HPN: variants seen among roughly 807,000 people sequenced by gnomAD.
HPN encodes serine protease hepsin.
Under a neutral mutation model 55.9 loss-of-function variants are expected in HPN, and 13 were observed. That is an observed-to-expected ratio of 0.23 (90% CI 0.15 to 0.37). The LOEUF is 0.37. Among genes scored for constraint, HPN ranks in the 10% least tolerant of loss-of-function variants. The probability of loss-of-function intolerance (pLI) is 1.00; values close to 1 mark genes in which losing one functional copy is unlikely to be tolerated. For synonymous variants in HPN, 225 were observed against 240.3 expected (o/e 0.94, Z 0.59); for missense variants, 451 against 575.8 (o/e 0.78, Z 2.22).
At chr19:35,048,687 A>G (rs1307060760) in intron 2 of HPN, among the ~76,000 whole-genome samples, 1 of 152,060 alleles carries the variant, frequency 6.6e-6, no homozygotes, top group Non-Finnish European at 1.5e-5. Context: ...TCAGCCCAGG[A>G]GTTTGAGACC....
intron 2 of HPN, among the ~76,000 whole-genome samples, chr19:35,046,986 G>A (rs1196745640): frequency 3.9e-5 from 6 of 152,030 alleles, no homozygotes; most frequent in African/African-American, 1.4e-4. Flanking sequence ...CTGCCACTGC[G>A]CCCGGCTAAT....
chr19:35,064,815 CTTTT>C (rs375780311), intron 9 of HPN, among the ~76,000 whole-genome samples: 73 of 88,378 alleles, frequency 8.3e-4, no homozygotes, highest in Middle Eastern at 6.4e-3. Flanking sequence ...TCCGTTGTGG[CTTTT>C]TTGTTTGTTT....
At chr19:35,059,627 G>T (rs1176306058) in intron 4 of HPN, 46 bp from the exon 5 acceptor site, 1 of 1,559,736 alleles carries the variant, frequency 6.4e-7, no homozygotes, top group East Asian at 2.4e-5. Flanking sequence ...CATGTGGGGA[G>T]CCTGGCTGTG....
intron 4 of HPN, among the ~76,000 whole-genome samples, chr19:35,054,674 G>A (rs117986510): frequency 0.022 from 3,293 of 152,240 alleles, 68 homozygotes; most frequent in South Asian, 0.051. Context: ...CCTGCTTCTC[G>A]TGCATTTGGT....
chr19:35,046,467 G>A (rs1468897367), intron 2 of HPN, among the ~76,000 whole-genome samples: 1 of 151,974 alleles, frequency 6.6e-6, no homozygotes, highest in African/African-American at 2.4e-5. Context: ...CTGGTCTTGA[G>A]CTCCTGACCT....
In HPN at chr19:35,065,302, C is replaced by T. The variant is rs563960365; in HGVS notation, c.864C>T (p.Gly288=). ...LPAAGQALVD[G]KICTVTGWGN... is the part of the protein sequence containing the mutation. Reference sequence around the variant, plus strand: ...CTGCCGGCCAGGCCCTGGTGGATGGCAAGATCTGTACCGTGACGGGCTGGG... The same window carrying T: ...CTGCCGGCCAGGCCCTGGTGGATGGTAAGATCTGTACCGTGACGGGCTGGG... The change falls in exon 10 of 13, where the codon GGC becomes GGT. Residue 288 remains glycine, a synonymous_variant. Coordinates refer to ENST00000672452, the MANE Select transcript of HPN (RefSeq NM_001384133.1). 21 of 1,614,014 alleles carry T rather than the reference C, an allele frequency of 1.3e-5. No individual in the cohort carries two copies. The African/African-American group carries it at 2.0e-4, about 15-fold the overall frequency.
At chr19:35,042,947 C>A (rs891137829) in intron 2 of HPN, among the ~76,000 whole-genome samples, 6 of 152,162 alleles carry the variant, frequency 3.9e-5, no homozygotes, top group African/African-American at 1.2e-4. Context: ...ATTCTTAGGG[C>A]TTTGGTCTCC....
intron 9 of HPN, 47 bp from the exon 10 acceptor site, chr19:35,065,203 G>A (rs755983391): frequency 7.2e-7 from 1 of 1,394,184 alleles, no homozygotes; most frequent in South Asian, 1.2e-5. Flanking sequence ...GTTTGTACCA[G>A]GTGGGGCAGG....
chr19:35,059,443 C>G (rs745761227), intron 4 of HPN: 1 of 671,468 alleles, frequency 1.5e-6, no homozygotes, highest in Non-Finnish European at 2.7e-6. Flanking sequence ...GATCACACCA[C>G]TACACTCCAG....
At chr19:35,048,084 AGG>A (rs1491547025) in intron 2 of HPN, among the ~76,000 whole-genome samples, 9 of 83,890 alleles carry the variant, frequency 1.1e-4, no homozygotes, top group South Asian at 3.7e-4. Flanking sequence ...AAGAAAGAAA[AGG>A]AAGGAAGGAA....
At chr19:35,041,379 G>A (rs887612710), upstream of HPN, among the ~76,000 whole-genome samples, 1 of 152,078 alleles carries the variant, frequency 6.6e-6, no homozygotes, top group African/African-American at 2.4e-5. Flanking sequence ...GCTGGAGGAC[G>A]CAGAAAGGGC....
At chr19:35,047,349 C>T (rs1200831020) in intron 2 of HPN, among the ~76,000 whole-genome samples, 1 of 152,222 alleles carries the variant, frequency 6.6e-6, no homozygotes, top group Non-Finnish European at 1.5e-5. Flanking sequence ...GCCCACAGTG[C>T]CCTTCCTTGT....
intron 9 of HPN, 61 bp from the exon 10 acceptor site, chr19:35,065,189 A>C: frequency 2.5e-6 from 3 of 1,180,512 alleles, no homozygotes; most frequent in Non-Finnish European, 3.7e-6. Context: ...GCAGCTGGAC[A>C]GAGGTTTGTA....
In HPN at chr19:35,066,501, G is replaced by A. The variant is rs377217529; in HGVS notation, c.*214G>A. 2 of 606,132 alleles carry A rather than the reference G, an allele frequency of 3.3e-6. No individual in the cohort carries two copies. Among genetic ancestry groups the A allele is most frequent in the Non-Finnish European group, 5.7e-6 (2 of 348,468 alleles). 37.5% of individuals were successfully genotyped at this position (606,132 alleles called of 1,614,324 possible). On this transcript the variant is annotated 3_prime_UTR_variant, in exon 13 of 13. Coordinates refer to ENST00000672452, the MANE Select transcript of HPN (RefSeq NM_001384133.1). ...CTGACCCCCATGTAAATATTGTTCTGCTGTCTGGGACTCCTGTCTAGGTGC... is the reference window on the plus strand; with the variant it reads ...CTGACCCCCATGTAAATATTGTTCTACTGTCTGGGACTCCTGTCTAGGTGC...
rs145091121 is a variant in HPN at position 35,045,646 on chromosome 19, G to A, written c.16+3124G>A. On this transcript the variant is annotated intron_variant, in intron 2 of 12. Transcript: ENST00000672452. Reference sequence around the variant, plus strand: ...CTGGGATCAAAGAATTGATGTTGACGTGCCGCCTGTCCCAGTAGAGACACG... The same window carrying A: ...CTGGGATCAAAGAATTGATGTTGACATGCCGCCTGTCCCAGTAGAGACACG... Among the ~76,000 whole-genome samples, 167 of 151,108 alleles carry A rather than the reference G, an allele frequency of 1.1e-3. 1 individual carries two copies. Among genetic ancestry groups the A allele is most frequent in the Non-Finnish European group, 1.6e-3 (110 of 67,738 alleles).
intron 4 of HPN, among the ~76,000 whole-genome samples, chr19:35,055,063 A>C (rs1252911882): frequency 6.6e-6 from 1 of 152,184 alleles, no homozygotes; most frequent in African/African-American, 2.4e-5. Context: ...CCATCCCAGC[A>C]CTTTGGGAGG....
intron 2 of HPN, among the ~76,000 whole-genome samples, chr19:35,048,028 A>AGAAAG (rs150953006): frequency 2.9e-4 from 25 of 87,396 alleles, no homozygotes; most frequent in Admixed American, 4.3e-4. Flanking sequence ...GAGAGAGAGA[A>AGAAAG]AAAGAAAGAA....
chr19:35,061,325 A>C (rs1020546545), intron 9 of HPN, among the ~76,000 whole-genome samples: 50 of 151,660 alleles, frequency 3.3e-4, no homozygotes, highest in African/African-American at 1.2e-3. Context: ...GTGAAACTCC[A>C]TCTCTACTAA....
intron 4 of HPN, among the ~76,000 whole-genome samples, chr19:35,052,451 C>T (rs1236172414): frequency 6.7e-6 from 1 of 149,670 alleles, no homozygotes; most frequent in Non-Finnish European, 1.5e-5. Flanking sequence ...CTGTTTGAAC[C>T]TGGGAGGCGC....
Sources: gnomAD v4.1 joint callset for allele counts (sites outside exome capture counted in the v4.1 genomes callset) on GRCh38, gnomAD v4.1.1 for gene constraint, MANE v1.5 for transcripts, NCBI Gene and HGNC (gene_info 2026-07-23, HGNC 2026-07-21) for gene names.